Variants in NFIL3 observed in about 807,000 individuals in gnomAD.
NFIL3 encodes the protein nuclear factor, interleukin 3 regulated, also known as nuclear factor interleukin-3-regulated protein.
Under a neutral mutation model 10.0 loss-of-function variants are expected in NFIL3, and 5 were observed. The ratio of observed to expected loss-of-function variants is 0.50; its 90% CI spans 0.26 to 1.06. NFIL3 has a LOEUF of 1.06. Among genes scored for constraint, NFIL3 ranks in the 50% least tolerant of loss-of-function variants. NFIL3 has a pLI of 0.13. For missense variants in NFIL3, 436 were observed against 547.6 expected (o/e 0.80, Z 2.03); for synonymous variants, 202 against 206.5 (o/e 0.98, Z 0.19).
the NFIL3 span, among the ~76,000 whole-genome samples, chr9:91,459,073 C>T: frequency 6.6e-6 from 1 of 152,194 alleles, no homozygotes; most frequent in Non-Finnish European, 1.5e-5. Context: ...GACAGTTCCA[C>T]CCTGTCCCTC....
At chr9:91,438,799 G>T in the NFIL3 span, among the ~76,000 whole-genome samples, 6 of 152,118 alleles carry the variant, frequency 3.9e-5, no homozygotes, top group Non-Finnish European at 8.8e-5. Flanking sequence ...TGGTGCCTTG[G>T]TCAAAACTTA....
intron 1 of NFIL3, among the ~76,000 whole-genome samples, chr9:91,413,944 T>G (rs942167950): frequency 7.9e-5 from 12 of 152,192 alleles, no homozygotes; most frequent in African/African-American, 2.9e-4. Flanking sequence ...TTTGCCTCAC[T>G]TACTAGATTT....
the NFIL3 span, among the ~76,000 whole-genome samples, chr9:91,451,327 C>A: frequency 5.9e-5 from 9 of 152,150 alleles, no homozygotes; most frequent in African/African-American, 1.7e-4. Flanking sequence ...ATCATCAGTT[C>A]CTCTGAGAAA....
At chr9:91,449,974 A>T in the NFIL3 span, among the ~76,000 whole-genome samples, 2 of 152,188 alleles carry the variant, frequency 1.3e-5, no homozygotes, top group African/African-American at 4.8e-5. Flanking sequence ...CACCTAGATT[A>T]TCTAATTTTC....
chr9:91,444,536 A>G, the NFIL3 span, among the ~76,000 whole-genome samples: 1 of 152,122 alleles, frequency 6.6e-6, no homozygotes, highest in Non-Finnish European at 1.5e-5. Context: ...ACGTTTGTGC[A>G]TCTGGTGGAG....
chr9:91,473,644 C>T, the NFIL3 span, among the ~76,000 whole-genome samples: 1 of 152,230 alleles, frequency 6.6e-6, no homozygotes, highest in Non-Finnish European at 1.5e-5. Context: ...AAGGGAATTC[C>T]CCCTGACTCC....
chr9:91,424,601 G>C (rs1436163304), upstream of NFIL3, among the ~76,000 whole-genome samples: 1 of 152,176 alleles, frequency 6.6e-6, no homozygotes, highest in Non-Finnish European at 1.5e-5. Context: ...AAAGCTCCAC[G>C]CACAAACACC....
the NFIL3 span, among the ~76,000 whole-genome samples, chr9:91,451,193 A>G: frequency 6.6e-6 from 1 of 151,768 alleles, no homozygotes; most frequent in Admixed American, 6.6e-5. Context: ...CATGTTTCCA[A>G]TTGCACCCAA....
chr9:91,461,041 C>T, the NFIL3 span, among the ~76,000 whole-genome samples: 1 of 152,166 alleles, frequency 6.6e-6, no homozygotes, highest in African/African-American at 2.4e-5. Flanking sequence ...GAATTCCATG[C>T]TGTCTATGCC....
At chr9:91,419,499 TAA>T (rs1833718280) in intron 1 of NFIL3, among the ~76,000 whole-genome samples, 2 of 152,176 alleles carry the variant, frequency 1.3e-5, no homozygotes, top group African/African-American at 2.4e-5. Flanking sequence ...TGCACAAAAA[TAA>T]GTCTTTAACC....
intron 1 of NFIL3, 106 bp downstream of exon 1, chr9:91,423,534 C>G (rs1390841707): frequency 6.6e-6 from 1 of 150,696 alleles, no homozygotes; most frequent in East Asian, 2.0e-4. Flanking sequence ...GCTTACAGCC[C>G]GACCCCGCAC....
chr9:91,440,923 A>G, the NFIL3 span, among the ~76,000 whole-genome samples: 1 of 152,268 alleles, frequency 6.6e-6, no homozygotes, highest in Non-Finnish European at 1.5e-5. Context: ...GTGGCCTAAC[A>G]TACAGTGTAT....
At chr9:91,442,523 C>T in the NFIL3 span, among the ~76,000 whole-genome samples, 1 of 152,180 alleles carries the variant, frequency 6.6e-6, no homozygotes, top group South Asian at 2.1e-4. Flanking sequence ...TAACCTATAC[C>T]TGCCAAGGGC....
the NFIL3 span, among the ~76,000 whole-genome samples, chr9:91,459,790 A>G: frequency 6.6e-6 from 1 of 152,324 alleles, no homozygotes; most frequent in South Asian, 2.1e-4. Context: ...TTTTATTAAT[A>G]TTTGCATTTC....
chr9:91,454,780 C>T, the NFIL3 span, among the ~76,000 whole-genome samples: 1 of 152,072 alleles, frequency 6.6e-6, no homozygotes, highest in Non-Finnish European at 1.5e-5. Flanking sequence ...TGCAGTGAGC[C>T]GAGATTGTGC....
At chr9:91,431,641 A>G in the NFIL3 span, among the ~76,000 whole-genome samples, 2 of 152,160 alleles carry the variant, frequency 1.3e-5, no homozygotes, top group South Asian at 4.1e-4. Flanking sequence ...TGACTTGAAC[A>G]GTTTAACCAC....
the NFIL3 span, among the ~76,000 whole-genome samples, chr9:91,480,929 A>G: frequency 2.6e-5 from 4 of 152,366 alleles, no homozygotes; most frequent in East Asian, 7.7e-4. Context: ...AGGATGGGAC[A>G]GCTGACAGCG....
At chr9:91,435,128 G>A in the NFIL3 span, among the ~76,000 whole-genome samples, 1 of 152,044 alleles carries the variant, frequency 6.6e-6, no homozygotes, top group East Asian at 1.9e-4. Context: ...TCTCTCCACT[G>A]CCCCCACTAG....
the NFIL3 span, among the ~76,000 whole-genome samples, chr9:91,428,936 A>C: frequency 9.2e-5 from 14 of 152,226 alleles, no homozygotes; most frequent in African/African-American, 3.4e-4. Flanking sequence ...GAATACACTA[A>C]AAATGGTCAA....
Sources: gnomAD v4.1 joint callset for allele counts (sites outside exome capture counted in the v4.1 genomes callset) on GRCh38, gnomAD v4.1.1 for gene constraint, MANE v1.5 for transcripts, NCBI Gene and HGNC (gene_info 2026-07-23, HGNC 2026-07-21) for gene names.